The following CENPL variants were observed in gnomAD, a reference collection of about 807,000 sequenced individuals.
CENPL encodes centromere protein L, also known as interphase centromere complex protein 33.
Under a neutral mutation model 35.2 loss-of-function variants are expected in CENPL, and 20 were observed. The ratio of observed to expected loss-of-function variants is 0.57; its 90% CI spans 0.40 to 0.83. The LOEUF (loss-of-function observed/expected upper bound fraction) is 0.83, where lower values mean the gene tolerates loss of function less well. Ranked by LOEUF, CENPL falls within the 40% of genes least tolerant of loss-of-function variation. The pLI is 0.00. For synonymous variants in CENPL, 140 were observed against 140.6 expected (o/e 1.00, Z 0.03); for missense variants, 363 against 395.8 (o/e 0.92, Z 0.70).
rs1649573901 is a variant in CENPL, at chr1:173,799,577, A to G, written c.*871T>C. On this transcript the variant is annotated 3_prime_UTR_variant, in exon 6 of 6. Transcript: ENST00000682279. ...CATTTTAAAATAAACATTTAATTCA[A>G]CATTGCAACAGGAGTTGAACTGTAT... 1 of 152,374 alleles carries G rather than the reference A, an allele frequency of 6.6e-6. No individual in the cohort carries two copies. The highest frequency in any genetic ancestry group is 3.4e-3 in the Middle Eastern group (1 of 294). 9.4% of individuals were successfully genotyped at this position (152,374 alleles called of 1,614,324 possible).
chr1:173,803,681 T>C (rs1404891692), intron 4 of CENPL, among the ~76,000 whole-genome samples, 176 bp from the exon 5 acceptor site: 2 of 151,920 alleles, frequency 1.3e-5, no homozygotes, highest in Non-Finnish European at 2.9e-5. Flanking sequence ...ATTGGCCTTT[T>C]TTTTTTTTGA....
intron 4 of CENPL, among the ~76,000 whole-genome samples, chr1:173,805,940 CCATGACCTATAT>C (rs1177957250): frequency 6.6e-6 from 1 of 152,080 alleles, no homozygotes; most frequent in Non-Finnish European, 1.5e-5. Flanking sequence ...TTTGCCAATA[CCATGACCTATAT>C]CAGGGGTCAG....
chr1:173,809,859 A>C (rs1282007015), intron 3 of CENPL, among the ~76,000 whole-genome samples: 2 of 152,148 alleles, frequency 1.3e-5, no homozygotes, highest in East Asian at 3.8e-4. Flanking sequence ...GTCAAAAAAA[A>C]ACAGATGCTG....
intron 2 of CENPL, among the ~76,000 whole-genome samples, chr1:173,812,783 C>G (rs779011291): frequency 1.2e-4 from 18 of 152,162 alleles, no homozygotes; most frequent in Non-Finnish European, 4.4e-5. Context: ...AGGATCACAG[C>G]CCCTCGCCAG....
chr1:173,814,294 G>C (rs971219383), intron 2 of CENPL, among the ~76,000 whole-genome samples: 3 of 152,010 alleles, frequency 2.0e-5, no homozygotes, highest in Admixed American at 1.3e-4. Context: ...GGTTAACAAG[G>C]ATATCCAGGA....
intron 2 of CENPL, among the ~76,000 whole-genome samples, chr1:173,820,000 G>A (rs1446058674): frequency 6.6e-6 from 1 of 152,024 alleles, no homozygotes; most frequent in African/African-American, 2.4e-5. Flanking sequence ...ACCGCACTCG[G>A]CCCATATTTA....
chr1:173,811,023 G>T, intron 3 of CENPL, 109 bp downstream of exon 3: 1 of 884,268 alleles, frequency 1.1e-6, no homozygotes, highest in Non-Finnish European at 1.7e-6. Context: ...TATTTTATTA[G>T]CTGAGGGGTT....
intron 2 of CENPL, among the ~76,000 whole-genome samples, chr1:173,812,211 C>T (rs1462607128): frequency 6.6e-6 from 1 of 152,258 alleles, no homozygotes; most frequent in African/African-American, 2.4e-5. Context: ...AGGCCTACTG[C>T]CTCTATAGAC....
chr1:173,806,443 G>C (rs1001312942), intron 4 of CENPL: 1 of 447,078 alleles, frequency 2.2e-6, no homozygotes. Context: ...ATTTACCCGA[G>C]TGTGGTGGCA....
chr1:173,813,320 C>G (rs1651024797), intron 2 of CENPL, among the ~76,000 whole-genome samples: 1 of 152,092 alleles, frequency 6.6e-6, no homozygotes, highest in African/African-American at 2.4e-5. Flanking sequence ...AGGAAATACA[C>G]AGAACACCAC....
At chr1:173,803,981 C>G (rs746585483) in intron 4 of CENPL, among the ~76,000 whole-genome samples, 2 of 152,062 alleles carry the variant, frequency 1.3e-5, no homozygotes, top group Non-Finnish European at 2.9e-5. Context: ...CCCCAATATT[C>G]TTATACAGTG....
chr1:173,815,220 C>T (rs954403484), intron 2 of CENPL, among the ~76,000 whole-genome samples: 5 of 151,990 alleles, frequency 3.3e-5, no homozygotes, highest in East Asian at 1.9e-4. Flanking sequence ...AAAAAGGCTA[C>T]GACCAGATGG....
chr1:173,814,814 G>A (rs1381731272), intron 2 of CENPL, among the ~76,000 whole-genome samples: 2 of 151,850 alleles, frequency 1.3e-5, no homozygotes, highest in Non-Finnish European at 2.9e-5. Context: ...GCTAGCAGAA[G>A]GCAAGAAATA....
rs956680000 is a variant in CENPL, at chr1:173,803,193, A to G, written c.733T>C (p.Cys245Arg). Residue 245 changes from cysteine (C) to arginine (R), a missense_variant, in exon 5 of 6, where the codon TGT (cysteine) becomes CGT (arginine). Physicochemically the swap from Cys to Arg is radical, Grantham distance 180. Transcript: ENST00000682279. ...GAAATGTCCAGACTTTGAGGGCTAC[A>G]GGGTACAGACCAAAGAAATTCAGTA... ...ATTEFLWSVP[C>R]SPQSLDISFA... The G allele has an allele frequency of 5.0e-6, 8 of 1,613,596 alleles. No individual in the cohort carries two copies. The highest frequency in any genetic ancestry group is 1.7e-5 in the Admixed American group (1 of 60,024).
chr1:173,811,752 C>A lies in CENPL; in HGVS notation c.-7-446G>T, dbSNP rs549213712. On this transcript the variant is annotated intron_variant, in intron 2 of 5. Transcript: ENST00000682279. The stretch of plus-strand genomic sequence containing the variant: ...TCTGCAGCTCCCAGCATGATCGATG[C>A]AGAAGACAGGTGATTTCTGCATTTC... 7.9e-5 allele frequency among the ~76,000 whole-genome samples: 12 copies of A among 152,338 alleles called. No homozygotes were observed. The South Asian group carries it at 2.3e-3, about 29-fold the overall frequency.
chr1:173,816,807 T>C (rs1651425741), intron 2 of CENPL, among the ~76,000 whole-genome samples: 1 of 152,070 alleles, frequency 6.6e-6, no homozygotes, highest in Non-Finnish European at 1.5e-5. Flanking sequence ...CCAAAAGCAA[T>C]GGCAACAAAA....
intron 2 of CENPL, among the ~76,000 whole-genome samples, 153 bp from the exon 3 acceptor site, chr1:173,811,459 T>C (rs1436416499): frequency 6.6e-6 from 1 of 152,210 alleles, no homozygotes; most frequent in Non-Finnish European, 1.5e-5. Flanking sequence ...AGTCCTATAT[T>C]CCTCATTGGC....
Position 173,800,484 on chromosome 1 carries a change from T to C in CENPL, c.999A>G (p.Ala333=), listed in dbSNP as rs1649641451. 2.0e-6 allele frequency: 3 copies of C among 1,502,602 alleles called. No individual in the cohort carries two copies. Among genetic ancestry groups the C allele is most frequent in the African/African-American group, 1.4e-5 (1 of 72,652 alleles). 93.1% of individuals were successfully genotyped at this position (1,502,602 alleles called of 1,614,324 possible). Residue 333 remains alanine, a synonymous_variant, in exon 6 of 6, where the codon GCA becomes GCG. Transcript: ENST00000682279. ...GAAAAATTGCCAGTTCTGTCAAATA[T>C]GCTAACACTCCAATAAGGTATTTAT... ...LCHKYLIGVL[A]YLTELAIFQI...
Position 173,799,965 on chromosome 1 carries a change from T to C in CENPL, c.*483A>G, listed in dbSNP as rs568861306. On this transcript the variant is annotated 3_prime_UTR_variant, in exon 6 of 6. Transcript: ENST00000682279. ...CAGCCTGTCTTCTGGGTTAAAACGA[T>C]TCTCCTGCCTCAGCCTCCCCAGTAG... The C allele has an allele frequency of 2.6e-5, 4 of 152,490 alleles. 1 individual carries two copies. Among genetic ancestry groups the C allele is most frequent in the African/African-American group, 9.6e-5 (4 of 41,586 alleles). 9.4% of individuals were successfully genotyped at this position (152,490 alleles called of 1,614,324 possible).
Sources: allele counts gnomAD v4.1 joint callset (sites outside exome capture counted in the v4.1 genomes callset), GRCh38; gene constraint gnomAD v4.1.1; transcripts MANE v1.5; gene names NCBI Gene and HGNC (gene_info 2026-07-23, HGNC 2026-07-21).